Variants in SIMC1 observed in about 807,000 individuals in gnomAD.
SIMC1 encodes SUMO interacting motifs containing 1, also known as SUMO-interacting motif-containing protein 1.
Under a neutral mutation model 82.3 loss-of-function variants are expected in SIMC1, and 55 were observed. The ratio of observed to expected loss-of-function variants is 0.67; its 90% CI spans 0.54 to 0.84. The LOEUF is 0.84. Among genes scored for constraint, SIMC1 ranks in the 40% least tolerant of loss-of-function variants. The probability of loss-of-function intolerance (pLI) is 0.00; values close to 1 mark genes in which losing one functional copy is unlikely to be tolerated. For missense variants in SIMC1, 915 were observed against 1,107.2 expected, an observed-to-expected ratio of 0.83 and a Z score of 2.46; for synonymous variants, 353 against 426.3, an observed-to-expected ratio of 0.83 and a Z score of 2.12.
intron 4 of SIMC1, among the ~76,000 whole-genome samples, chr5:176,310,338 A>C (rs910816395): frequency 6.6e-6 from 1 of 152,224 alleles, no homozygotes; most frequent in African/African-American, 2.4e-5. Context: ...ATGAAAACCT[A>C]TATTGTACTT....
chr5:176,292,329 C>A (rs1475522481), intron 2 of SIMC1, among the ~76,000 whole-genome samples: 1 of 152,102 alleles, frequency 6.6e-6, no homozygotes, highest in Non-Finnish European at 1.5e-5. Context: ...TAGTTATGTA[C>A]ATCCCATCCC....
chr5:176,288,408 C>T lies in SIMC1; in HGVS notation c.130-1246C>T. Among the ~76,000 whole-genome samples the T allele has an allele frequency of 1.7e-5, 2 of 121,102 alleles. 1 individual carries two copies. The highest frequency in any genetic ancestry group is 3.7e-5 in the Non-Finnish European group (2 of 54,134). 79.4% of individuals were successfully genotyped at this position (121,102 alleles called of 152,430 possible). ...AGGCTAACAGAGCGAGACTCCATCT[C>T]AAGAATGAATGAATGAATAAATAAA... On this transcript the variant is annotated intron_variant, in intron 1 of 9. Coordinates refer to ENST00000429602, the MANE Select transcript of SIMC1 (RefSeq NM_001308195.2).
At chr5:176,249,057 A>AT (rs1485459248) in intron 1 of SIMC1, among the ~76,000 whole-genome samples, 6 of 152,110 alleles carry the variant, frequency 3.9e-5, no homozygotes, top group African/African-American at 1.4e-4. Flanking sequence ...ATGGCCTGAA[A>AT]TTTTTTTGTT....
rs1581247076 is a variant in SIMC1, at chr5:176,280,088, A to C, written c.130-9566A>C. Among the ~76,000 whole-genome samples the C allele has an allele frequency of 3.3e-5, 5 of 152,092 alleles. No homozygotes were observed. The East Asian group carries it at 9.6e-4, about 29-fold the overall frequency. ...TGACAGTGGGGTGTTAAAGTCTCCC[A>C]TTATTAATGTGTGGGAGTCTAAGTC... On this transcript the variant is annotated intron_variant, in intron 1 of 9. Coordinates refer to ENST00000429602, the MANE Select transcript of SIMC1 (RefSeq NM_001308195.2).
Position 176,317,327 on chromosome 5 carries a change from T to C in SIMC1, c.1889+3482T>C, listed in dbSNP as rs564960471. 9.8e-5 allele frequency among the ~76,000 whole-genome samples: 15 copies of C among 152,348 alleles called. 3 individuals are homozygous for C. The highest frequency in any genetic ancestry group is 3.4e-4 in the African/African-American group (14 of 41,578). ...CTTTTCTTTCTTTCATTTTGAACTA[T>C]GCATACAAAGAGTAGACTAGTTTCT... On this transcript the variant is annotated intron_variant, in intron 5 of 9. Coordinates refer to ENST00000429602, the MANE Select transcript of SIMC1 (RefSeq NM_001308195.2).
rs796313395 is a variant in SIMC1, at chr5:176,258,608, A to G, written c.129+19971A>G. ...TTTAAAACTCCTTTTTTTTTTTGAG[A>G]TAGAGTCTTGCTCTCTCACCCAGGC... is the stretch of plus-strand genomic sequence containing the variant. On this transcript the variant is annotated intron_variant, in intron 1 of 9. Transcript: ENST00000429602. Among the ~76,000 whole-genome samples the G allele has an allele frequency of 2.1e-4, 31 of 150,714 alleles. No individual in the cohort carries two copies. The East Asian group carries it at 5.2e-3, about 25-fold the overall frequency.
rs142251612 is a variant in SIMC1, at chr5:176,321,807, G to T, written c.1890-466G>T. On this transcript the variant is annotated intron_variant, in intron 5 of 9. Coordinates refer to ENST00000429602, the MANE Select transcript of SIMC1 (RefSeq NM_001308195.2). ...TTTAGGAATGTTCCTGGTCAGGAAGGCACAGATAGTACTATTTTACCCTGA... is the reference window on the plus strand; with the variant it reads ...TTTAGGAATGTTCCTGGTCAGGAAGTCACAGATAGTACTATTTTACCCTGA... 1.3e-3 allele frequency among the ~76,000 whole-genome samples: 192 copies of T among 151,412 alleles called. 1 individual carries two copies. Among genetic ancestry groups the T allele is most frequent in the African/African-American group, 4.5e-3 (186 of 41,252 alleles).
At chr5:176,285,025 C>A (rs981555559) in intron 1 of SIMC1, among the ~76,000 whole-genome samples, 15 of 152,160 alleles carry the variant, frequency 9.9e-5, no homozygotes, top group African/African-American at 3.6e-4. Flanking sequence ...AGTCCAGGAC[C>A]AGATGGATTC....
intron 7 of SIMC1, among the ~76,000 whole-genome samples, chr5:176,325,775 CT>C (rs1343893539): frequency 2.0e-5 from 3 of 152,046 alleles, no homozygotes; most frequent in Non-Finnish European, 4.4e-5. Flanking sequence ...CTTCTCTTAT[CT>C]TTATCCATAG....
chr5:176,306,123 C>T (rs1764364413), intron 4 of SIMC1, among the ~76,000 whole-genome samples: 1 of 77,684 alleles, frequency 1.3e-5, no homozygotes, highest in Non-Finnish European at 2.8e-5. Flanking sequence ...AAGTGAGGAG[C>T]CCCTCTGCCC....
At chr5:176,307,351 T>C (rs1174547822) in intron 4 of SIMC1, among the ~76,000 whole-genome samples, 1 of 152,220 alleles carries the variant, frequency 6.6e-6, no homozygotes, top group Non-Finnish European at 1.5e-5. Flanking sequence ...ACTACTGAAC[T>C]GTACACTTAA....
intron 1 of SIMC1, among the ~76,000 whole-genome samples, chr5:176,252,693 C>T (rs1332323744): frequency 2.0e-5 from 3 of 148,828 alleles, no homozygotes; most frequent in East Asian, 2.0e-4. Flanking sequence ...ACCTCCCAGA[C>T]GATGGGCGGC....
At chr5:176,265,346 G>A (rs1035589364) in intron 1 of SIMC1, among the ~76,000 whole-genome samples, 1 of 152,220 alleles carries the variant, frequency 6.6e-6, no homozygotes, top group African/African-American at 2.4e-5. Flanking sequence ...AGAATTAACA[G>A]AAGTCTCCAA....
chr5:176,332,885 T>C (rs1397942715), intron 7 of SIMC1, among the ~76,000 whole-genome samples: 2 of 152,248 alleles, frequency 1.3e-5, no homozygotes, highest in Non-Finnish European at 2.9e-5. Context: ...TTTCCATCAC[T>C]TCAAGGATTG....
intron 7 of SIMC1, 55 bp from the exon 8 acceptor site, chr5:176,336,665 T>C (rs1441958601): frequency 6.3e-7 from 1 of 1,591,186 alleles, no homozygotes; most frequent in East Asian, 2.2e-5. Flanking sequence ...TTGTGGCTCA[T>C]GTTCTTTGAA....
Position 176,328,570 on chromosome 5 carries a change from C to A in SIMC1, c.2171+3813C>A, listed in dbSNP as rs558563882. Among the ~76,000 whole-genome samples, 9 of 151,984 alleles carry A rather than the reference C, an allele frequency of 5.9e-5. No individual in the cohort carries two copies. In the South Asian group the frequency reaches 1.7e-3, roughly 28 times the overall value. On this transcript the variant is annotated intron_variant, in intron 7 of 9. Transcript: ENST00000429602. The stretch of plus-strand genomic sequence containing the variant: ...GTGAAAAATCAGACCTGGGCAATGA[C>A]CTTGAGCAGTAGGATACAAATAACT...
At chr5:176,255,221 GCAA>G (rs1761809914) in intron 1 of SIMC1, among the ~76,000 whole-genome samples, 1 of 151,564 alleles carries the variant, frequency 6.6e-6, no homozygotes, top group Admixed American at 6.6e-5. Context: ...TCCAGCCTGA[GCAA>G]CAGAGCAAGA....
At chr5:176,331,983 A>C (rs1007950839) in intron 7 of SIMC1, among the ~76,000 whole-genome samples, 1 of 152,084 alleles carries the variant, frequency 6.6e-6, no homozygotes, top group African/African-American at 2.4e-5. Flanking sequence ...AAAACAAACA[A>C]ACACAAACTT....
intron 7 of SIMC1, among the ~76,000 whole-genome samples, chr5:176,330,321 A>T (rs1189828467): frequency 1.3e-5 from 2 of 151,946 alleles, no homozygotes; most frequent in East Asian, 3.9e-4. Context: ...GAATCGCTTG[A>T]AATCAGGAGG....
Sources: allele counts gnomAD v4.1 joint callset (sites outside exome capture counted in the v4.1 genomes callset), GRCh38; gene constraint gnomAD v4.1.1; transcripts MANE v1.5; gene names NCBI Gene and HGNC (gene_info 2026-07-23, HGNC 2026-07-21).